The following SASH1 variants were observed in gnomAD, a reference collection of about 807,000 sequenced individuals.
The protein encoded by SASH1 is SAM and SH3 domain containing 1.
In SASH1, 44 loss-of-function variants were observed where a neutral mutation model predicts 125.2. That is an observed-to-expected ratio of 0.35 (90% CI 0.28 to 0.45). SASH1 has a LOEUF of 0.45. Among genes scored for constraint, SASH1 ranks in the 20% least tolerant of loss-of-function variants. The pLI, the probability that SASH1 is intolerant of heterozygous loss-of-function variation, is 1.00. For synonymous variants in SASH1, 639 were observed against 649.1 expected (o/e 0.98, Z 0.24); for missense variants, 1,426 against 1,614.5 (o/e 0.88, Z 2.00).
chr6:148,297,828 T>G (rs1779805148), intron 1 of SASH1, among the ~76,000 whole-genome samples: 1 of 151,830 alleles, frequency 6.6e-6, no homozygotes, highest in African/African-American at 2.4e-5. Context: ...AGACTCTATC[T>G]CTTAAAAAAA....
chr6:148,369,782 C>T (rs1160034325), intron 1 of SASH1, among the ~76,000 whole-genome samples: 20 of 151,666 alleles, frequency 1.3e-4, no homozygotes, highest in Non-Finnish European at 1.5e-5. Flanking sequence ...GGCGAAACCC[C>T]ATCTCTACTA....
intron 1 of SASH1, among the ~76,000 whole-genome samples, chr6:148,307,194 C>T (rs1283782811): frequency 2.0e-5 from 3 of 151,916 alleles, no homozygotes; most frequent in African/African-American, 7.3e-5. Context: ...TCTTGGCTCA[C>T]TGCAACCTCC....
chr6:148,331,084 G>T (rs1780983565), intron 1 of SASH1, among the ~76,000 whole-genome samples: 1 of 152,026 alleles, frequency 6.6e-6, no homozygotes, highest in Non-Finnish European at 1.5e-5. Context: ...AAGTCTCTTG[G>T]TTCCTGCCTT....
At chr6:148,300,442 A>ATTTTTTTTTTTTTTTTTTTTTTTTTTTTT (rs34126353) in intron 1 of SASH1, among the ~76,000 whole-genome samples, 1 of 108,362 alleles carries the variant, frequency 9.2e-6, no homozygotes. Flanking sequence ...CAGAAACAAG[A>ATTTTTTTTTTTTTTTTTTTTTTTTTTTTT]TTTTTTTTTT....
intron 1 of SASH1, among the ~76,000 whole-genome samples, chr6:148,367,355 C>G (rs905966294): frequency 1.3e-5 from 2 of 152,210 alleles, no homozygotes; most frequent in African/African-American, 4.8e-5. Context: ...TGAGTCTGAC[C>G]ATGCACATTC....
chr6:148,526,799 T>C (rs1264815583), intron 11 of SASH1, among the ~76,000 whole-genome samples: 1 of 152,178 alleles, frequency 6.6e-6, no homozygotes, highest in Non-Finnish European at 1.5e-5. Flanking sequence ...CTCCAGGCAA[T>C]TCGGTAGTAT....
the SASH1 span, among the ~76,000 whole-genome samples, chr6:148,223,184 G>A: frequency 6.6e-6 from 1 of 152,246 alleles, no homozygotes; most frequent in Middle Eastern, 3.4e-3. Context: ...GAGCTGTCTG[G>A]ATTTGAATGC....
intron 1 of SASH1, among the ~76,000 whole-genome samples, chr6:148,319,011 G>A (rs531558640): frequency 9.0e-5 from 12 of 133,256 alleles, no homozygotes; most frequent in Non-Finnish European, 1.5e-4. Flanking sequence ...GGAAGAAGCC[G>A]CATTTATCTT....
At chr6:148,303,274 C>A (rs1780024350) in intron 1 of SASH1, among the ~76,000 whole-genome samples, 1 of 152,074 alleles carries the variant, frequency 6.6e-6, no homozygotes, top group Non-Finnish European at 1.5e-5. Flanking sequence ...GCCACCATGC[C>A]TGGCCTAAAA....
upstream of SASH1, among the ~76,000 whole-genome samples, chr6:148,268,012 C>G (rs887039660): frequency 6.6e-6 from 1 of 152,166 alleles, no homozygotes; most frequent in African/African-American, 2.4e-5. Flanking sequence ...TGTGTGTTAA[C>G]CCACTACATG....
chr6:148,376,254 A>G (rs1438716600), intron 1 of SASH1, among the ~76,000 whole-genome samples: 1 of 152,004 alleles, frequency 6.6e-6, no homozygotes, highest in African/African-American at 2.4e-5. Flanking sequence ...TTTTTACTAG[A>G]GATGGGGTTT....
At chr6:148,394,049 C>T (rs565890597) in intron 2 of SASH1, among the ~76,000 whole-genome samples, 22 of 152,008 alleles carry the variant, frequency 1.4e-4, no homozygotes, top group South Asian at 6.2e-4. Flanking sequence ...CCCGCTACCA[C>T]GCCTGGCTAA....
intron 12 of SASH1, among the ~76,000 whole-genome samples, chr6:148,530,864 G>T (rs1781473581): frequency 6.6e-6 from 1 of 152,192 alleles, no homozygotes; most frequent in Non-Finnish European, 1.5e-5. Flanking sequence ...CTCCCATCAG[G>T]ATTCTGGTGT....
intron 12 of SASH1, among the ~76,000 whole-genome samples, chr6:148,528,119 G>A (rs1217872770): frequency 6.6e-6 from 1 of 151,962 alleles, no homozygotes; most frequent in East Asian, 1.9e-4. Flanking sequence ...AGAGAGGGGT[G>A]TTTTCCCTCA....
rs761555244 is a variant in SASH1, at chr6:148,440,154, C to T, written c.286-30C>T. 3 of 1,610,616 alleles carry T rather than the reference C, an allele frequency of 1.9e-6. No individual in the cohort carries two copies. In the African/African-American group the frequency reaches 4.0e-5, roughly 22 times the overall value. ...TCTCGCGTGTGACATGTTTGGAAGTCCCGTTAAACTGGCATCTGTTCTGTT... is the reference window on the plus strand; with the variant it reads ...TCTCGCGTGTGACATGTTTGGAAGTTCCGTTAAACTGGCATCTGTTCTGTT... On this transcript the variant is annotated intron_variant, in intron 2 of 19. Transcript: ENST00000367467.
At chr6:148,304,731 T>C (rs746937445) in intron 1 of SASH1, among the ~76,000 whole-genome samples, 27 of 152,132 alleles carry the variant, frequency 1.8e-4, no homozygotes, top group Non-Finnish European at 2.9e-4. Context: ...CTTATTAAAA[T>C]AACTTCTACA....
At chr6:148,509,808 G>C (rs1310983415) in intron 8 of SASH1, among the ~76,000 whole-genome samples, 2 of 152,208 alleles carry the variant, frequency 1.3e-5, no homozygotes, top group Non-Finnish European at 2.9e-5. Flanking sequence ...TATTCATTTT[G>C]TTCCTTTTTT....
chr6:148,195,330 T>C, the SASH1 span, among the ~76,000 whole-genome samples: 8 of 152,234 alleles, frequency 5.3e-5, no homozygotes, highest in Non-Finnish European at 1.5e-5. Flanking sequence ...CAGCAGGCTC[T>C]GACTGGCTCC....
Position 148,460,868 on chromosome 6 carries a change from A to G in SASH1, c.387-7677A>G, listed in dbSNP as rs149917777. ...TCCTTGTGTCCATCTCAATTATTTG[A>G]GAGAGGTTAATGATAAAATAATTTA... On this transcript the variant is annotated intron_variant, in intron 4 of 19. Transcript: ENST00000367467. 2.8e-3 allele frequency among the ~76,000 whole-genome samples: 430 copies of G among 152,330 alleles called. 1 individual carries two copies. The highest frequency in any genetic ancestry group is 4.8e-3 in the Non-Finnish European group (327 of 68,032).
Sources: gnomAD v4.1 joint callset for allele counts (sites outside exome capture counted in the v4.1 genomes callset) on GRCh38, gnomAD v4.1.1 for gene constraint, MANE v1.5 for transcripts, NCBI Gene and HGNC (gene_info 2026-07-23, HGNC 2026-07-21) for gene names.